The following PES1 variants were observed in gnomAD, a reference collection of about 807,000 sequenced individuals.
The protein encoded by PES1 is pescadillo ribosomal biogenesis factor 1, also known as pescadillo homolog.
A neutral mutation model predicts 77.1 loss-of-function variants in PES1; 31 were observed. The ratio of observed to expected loss-of-function variants is 0.40; its 90% CI spans 0.30 to 0.54. The LOEUF (loss-of-function observed/expected upper bound fraction) is 0.54, where lower values mean the gene tolerates loss of function less well. PES1 is among the 20% of genes least tolerant of loss of function. The pLI, the probability that PES1 is intolerant of heterozygous loss-of-function variation, is 0.45. For missense variants in PES1, 658 were observed against 771.7 expected (o/e 0.85, Z 1.75); for synonymous variants, 282 against 303.0 (o/e 0.93, Z 0.72).
upstream of PES1, chr22:30,592,139 A>G: frequency 8.3e-7 from 1 of 1,203,180 alleles, no homozygotes; most frequent in Non-Finnish European, 1.0e-6. Flanking sequence ...CACCCTGATG[A>G]CGATTCATTG....
chr22:30,594,415 G>A (rs149997083), upstream of PES1, among the ~76,000 whole-genome samples: 30 of 152,170 alleles, frequency 2.0e-4, no homozygotes, highest in East Asian at 9.7e-4. Context: ...AGCTACCAGC[G>A]AGGCCAAGGC....
At chr22:30,597,536 G>A (rs531445309) in intron 2 of PES1, among the ~76,000 whole-genome samples, 1 of 150,982 alleles carries the variant, frequency 6.6e-6, no homozygotes, top group South Asian at 2.1e-4. Context: ...CTAAGGGATA[G>A]TGAATACACC....
chr22:30,599,815 G>C (rs1321452639), intron 2 of PES1, among the ~76,000 whole-genome samples: 1 of 152,120 alleles, frequency 6.6e-6, no homozygotes, highest in Admixed American at 6.5e-5. Flanking sequence ...CGGGGGAATC[G>C]CTTGAACCTG....
In PES1 at chr22:30,605,452, G is replaced by A. The variant is rs1357190991; in HGVS notation, c.-661+9C>T. On this transcript the variant is annotated intron_variant, in intron 2 of 16. Transcript: ENST00000402281. ...AGTGACTCTCTGGAAGGATGCTGCTGCTTCTCACCAGAGGCTGACGATAAC... is the reference window on the plus strand; with the variant it reads ...AGTGACTCTCTGGAAGGATGCTGCTACTTCTCACCAGAGGCTGACGATAAC... 4.1e-6 allele frequency: 4 copies of A among 985,228 alleles called. No individual in the cohort carries two copies. The African/African-American group carries it at 7.0e-5, about 17-fold the overall frequency. 61.0% of individuals were successfully genotyped at this position (985,228 alleles called of 1,614,324 possible). A position where few individuals can be genotyped will look rare whatever the true frequency, so the allele number is the denominator to read the frequency against.
chr22:30,603,045 G>C (rs143895747), intron 2 of PES1, among the ~76,000 whole-genome samples: 1 of 151,922 alleles, frequency 6.6e-6, no homozygotes, highest in African/African-American at 2.4e-5. Context: ...CAAGTAGCTG[G>C]GACTACAGGA....
At chr22:30,605,358 G>T in intron 2 of PES1, 1 of 546,420 alleles carries the variant, frequency 1.8e-6, no homozygotes, top group Non-Finnish European at 2.3e-6. Flanking sequence ...CTAGCACTGA[G>T]TCCAGGTAGG....
chr22:30,586,390 T>C (rs941066339), intron 4 of PES1, among the ~76,000 whole-genome samples: 3 of 152,162 alleles, frequency 2.0e-5, no homozygotes. Flanking sequence ...CCAGGTTGGA[T>C]GAAGCCAACC....
At chr22:30,585,938 G>C (rs915924888) in intron 4 of PES1, among the ~76,000 whole-genome samples, 10 of 152,182 alleles carry the variant, frequency 6.6e-5, no homozygotes, top group African/African-American at 2.4e-4. Flanking sequence ...CTGGTTTCTT[G>C]GTGCAGAGGT....
rs780050299 is a variant in PES1 at position 30,577,004 on chromosome 22, C to T, written c.*42G>A. On this transcript the variant is annotated 3_prime_UTR_variant, in exon 15 of 15. Coordinates refer to ENST00000354694, the MANE Select transcript of PES1 (RefSeq NM_014303.4). ...TCTGGCCTGCCTCTGCCACATCCAG[C>T]TGCTAGGGGCTGGCCTCAGCCCTGT... 1 of 1,535,228 alleles carries T rather than the reference C, an allele frequency of 6.5e-7. No individual in the cohort carries two copies. The highest frequency in any genetic ancestry group is 9.0e-7 in the Non-Finnish European group (1 of 1,108,988).
chr22:30,591,948 C>T (rs1569028575), upstream of PES1: 7 of 1,436,178 alleles, frequency 4.9e-6, no homozygotes, highest in East Asian at 1.6e-4. Context: ...TCTGTTTGTG[C>T]GGGCTGCCCA....
intron 2 of PES1, chr22:30,605,432 C>T: frequency 2.0e-6 from 2 of 985,024 alleles, no homozygotes; most frequent in Non-Finnish European, 2.4e-6. Context: ...TCAGAAGTGA[C>T]TCTCTGGAAG....
At chr22:30,592,502 A>C (rs1398432892), upstream of PES1, 6 of 788,238 alleles carry the variant, frequency 7.6e-6, no homozygotes, top group Non-Finnish European at 9.2e-6. Context: ...GTATATTTAA[A>C]ATGTACATTC....
chr22:30,600,306 C>T (rs1344594568), intron 2 of PES1, among the ~76,000 whole-genome samples: 3 of 152,242 alleles, frequency 2.0e-5, no homozygotes, highest in Non-Finnish European at 2.9e-5. Context: ...GGTTTTTTAT[C>T]TTCAGCCTCT....
At chr22:30,587,722 A>C (rs2072197) in intron 3 of PES1, among the ~76,000 whole-genome samples, 126,204 of 152,194 alleles carry the variant, frequency 0.83, 52,497 homozygotes, top group Middle Eastern at 0.89. Flanking sequence ...AAGTGACCTG[A>C]CACTGACAGG....
Position 30,578,720 on chromosome 22 carries a change from G to A in PES1, c.1683+117C>T, listed in dbSNP as rs552208912. 176 of 1,233,004 alleles carry A rather than the reference G, an allele frequency of 1.4e-4. 1 individual carries two copies. In the African/African-American group the frequency reaches 2.5e-3, roughly 17 times the overall value. 76.4% of individuals were successfully genotyped at this position (1,233,004 alleles called of 1,614,324 possible). A position where few individuals can be genotyped will look rare whatever the true frequency, so the allele number is the denominator to read the frequency against. On this transcript the variant is annotated intron_variant, in intron 14 of 14. Coordinates refer to ENST00000354694, the MANE Select transcript of PES1 (RefSeq NM_014303.4). ...GGGCTGGGCCAGGCAGGCAACCTCA[G>A]GAAAAGGCTAGGAGAGCCTCAGTCT...
Position 30,580,707 on chromosome 22 carries a change from G to A in PES1, c.913-6C>T. The stretch of plus-strand genomic sequence containing the variant: ...TCCTCCTGCGCTGACATCTCCTGTT[G>A]AGAAAGGGGCCAGGCCTCGCACCAC... On this transcript the variant is annotated splice_polypyrimidine_tract_variant and splice_region_variant and intron_variant, in intron 9 of 14. Coordinates refer to ENST00000354694, the MANE Select transcript of PES1 (RefSeq NM_014303.4). The A allele has an allele frequency of 1.9e-6, 3 of 1,612,936 alleles. No homozygotes were observed. Among genetic ancestry groups the A allele is most frequent in the Non-Finnish European group, 2.5e-6 (3 of 1,179,994 alleles).
At chr22:30,592,159 C>T, upstream of PES1, 2 of 1,141,604 alleles carry the variant, frequency 1.8e-6, no homozygotes, top group Non-Finnish European at 2.2e-6. Context: ...GACTGTGAGC[C>T]TCGTTGCATG....
intron 6 of PES1, among the ~76,000 whole-genome samples, chr22:30,583,779 C>G (rs970991440): frequency 1.3e-5 from 2 of 152,188 alleles, no homozygotes; most frequent in African/African-American, 4.8e-5. Context: ...AAAAAGAAAA[C>G]AATATATGTA....
chr22:30,577,649 C>T (rs772706460), intron 14 of PES1, among the ~76,000 whole-genome samples: 1 of 152,076 alleles, frequency 6.6e-6, no homozygotes, highest in Non-Finnish European at 1.5e-5. Flanking sequence ...CACCACCATG[C>T]GTAGCCCTTT....
Sources: gnomAD v4.1 joint callset for allele counts (sites outside exome capture counted in the v4.1 genomes callset) on GRCh38, gnomAD v4.1.1 for gene constraint, MANE v1.5 for transcripts, NCBI Gene and HGNC (gene_info 2026-07-23, HGNC 2026-07-21) for gene names.